EPM2A: variants seen among roughly 807,000 people sequenced by gnomAD.
EPM2A encodes EPM2A glucan phosphatase, laforin.
EPM2A carries 21 observed loss-of-function variants against 26.5 expected under a neutral mutation model. The ratio of observed to expected loss-of-function variants is 0.79; its 90% CI spans 0.56 to 1.14. The LOEUF is 1.14. Ranked by LOEUF, EPM2A falls within the 50% of genes most tolerant of loss-of-function variation. The pLI is 0.00. For synonymous variants in EPM2A, 217 were observed against 177.6 expected (o/e 1.22, Z -1.76); for missense variants, 458 against 440.8 (o/e 1.04, Z -0.35).
intron 4 of EPM2A, among the ~76,000 whole-genome samples, chr6:145,404,460 C>A (rs1418441731): frequency 6.6e-6 from 1 of 150,616 alleles, no homozygotes; most frequent in Non-Finnish European, 1.5e-5. Context: ...CTTTTTTTAC[C>A]TTTTGAGGGT....
chr6:145,419,179 G>GCCGC (rs1266559813), intron 4 of EPM2A, among the ~76,000 whole-genome samples: 1 of 136,212 alleles, frequency 7.3e-6, no homozygotes, highest in Non-Finnish European at 1.6e-5. Flanking sequence ...TCTGTTAAAT[G>GCCGC]TCCCCCCCCC....
At chr6:145,443,399 A>T (rs1390957946) in intron 4 of EPM2A, among the ~76,000 whole-genome samples, 2 of 152,066 alleles carry the variant, frequency 1.3e-5, no homozygotes, top group Admixed American at 1.3e-4. Flanking sequence ...GTCATCTCTG[A>T]TTTCTTTGAG....
At chr6:145,457,225 C>T (rs538860825) in intron 4 of EPM2A, among the ~76,000 whole-genome samples, 5 of 152,036 alleles carry the variant, frequency 3.3e-5, no homozygotes, top group African/African-American at 7.2e-5. Flanking sequence ...CTGGGTGTGG[C>T]GGCTCACACC....
intron 2 of EPM2A, among the ~76,000 whole-genome samples, chr6:145,682,081 G>A (rs1028001725): frequency 6.6e-6 from 1 of 152,102 alleles, no homozygotes; most frequent in Non-Finnish European, 1.5e-5. Context: ...ACTGGGTAAC[G>A]TTTACAGGAA....
In EPM2A at chr6:145,613,954, A is replaced by G. The variant is rs575060159; in HGVS notation, c.340+21291T>C. On this transcript the variant is annotated intron_variant, in intron 2 of 3. Coordinates refer to the EPM2A transcript ENST00000450221. ...TGACAAGAGAGGCAAACTGTCCTTT[A>G]AAGATTTGAAGCCAGGCATTGACAT... 1.1e-4 allele frequency among the ~76,000 whole-genome samples: 16 copies of G among 152,348 alleles called. No homozygotes were observed. In the South Asian group the frequency reaches 3.3e-3, roughly 32 times the overall value.
intron 2 of EPM2A, among the ~76,000 whole-genome samples, chr6:145,644,338 T>C (rs978629385): frequency 6.6e-6 from 1 of 152,194 alleles, no homozygotes; most frequent in Non-Finnish European, 1.5e-5. Context: ...AATGGTTGTG[T>C]TTACAGAATC....
chr6:145,658,994 T>A (rs1399987459), intron 2 of EPM2A, among the ~76,000 whole-genome samples: 1 of 152,186 alleles, frequency 6.6e-6, no homozygotes, highest in African/African-American at 2.4e-5. Flanking sequence ...AGGCGTTAGT[T>A]AACTCATTCA....
rs527950216 is a variant in EPM2A, at chr6:145,439,109, C to CATAATGGAACTGG, written c.556-55013_556-55012insCCAGTTCCATTAT. On this transcript the variant is annotated intron_variant, in intron 4 of 4. Transcript: ENST00000638717. ...TTAGTTTGCTAAGGATAATGGCTTC[C>CATAATGGAACTGG]AGTTCCATCCATGTTTCTGCAGAGA... is the stretch of plus-strand genomic sequence containing the variant. Among the ~76,000 whole-genome samples the CATAATGGAACTGG allele has an allele frequency of 5.0e-3, 756 of 152,214 alleles. 4 individuals are homozygous for CATAATGGAACTGG. The highest frequency in any genetic ancestry group is 0.011 in the Admixed American group (167 of 15,280).
intron 2 of EPM2A, among the ~76,000 whole-genome samples, chr6:145,568,955 A>C (rs1235545406): frequency 6.6e-6 from 1 of 152,190 alleles, no homozygotes; most frequent in East Asian, 1.9e-4. Context: ...ATGAATTTGC[A>C]CTGGAGGTGT....
chr6:145,495,266 A>T (rs1779802080), intron 4 of EPM2A, among the ~76,000 whole-genome samples: 1 of 149,734 alleles, frequency 6.7e-6, no homozygotes, highest in South Asian at 2.1e-4. Flanking sequence ...ATCTTTGTTG[A>T]TTTAGAGTCT....
intron 1 of EPM2A, among the ~76,000 whole-genome samples, chr6:145,730,492 C>T (rs1474968312): frequency 6.6e-6 from 1 of 152,172 alleles, no homozygotes. Context: ...CCAATTTAGG[C>T]ATATAGTCCT....
chr6:145,694,381 A>G (rs954772805), intron 1 of EPM2A, among the ~76,000 whole-genome samples: 7 of 152,052 alleles, frequency 4.6e-5, no homozygotes, highest in African/African-American at 1.7e-4. Flanking sequence ...GGCAAAAACA[A>G]AGAAATAAAA....
chr6:145,587,863 A>G (rs941114084), intron 2 of EPM2A, among the ~76,000 whole-genome samples: 18 of 152,210 alleles, frequency 1.2e-4, no homozygotes, highest in African/African-American at 4.3e-4. Context: ...TTTCTAAATA[A>G]ATTTATCTTA....
chr6:145,606,015 G>A (rs1021018947), intron 2 of EPM2A, among the ~76,000 whole-genome samples: 3 of 152,068 alleles, frequency 2.0e-5, no homozygotes, highest in Admixed American at 1.3e-4. Flanking sequence ...TCTCCAATCA[G>A]GTGGCTGGCT....
intron 2 of EPM2A, among the ~76,000 whole-genome samples, chr6:145,520,929 G>A (rs1191439840): frequency 6.6e-6 from 1 of 152,216 alleles, no homozygotes; most frequent in African/African-American, 2.4e-5. Flanking sequence ...AGTTCCCTAA[G>A]AGGGGCAAAA....
rs554591836 is a variant in EPM2A at position 145,415,262 on chromosome 6, C to T, written c.556-31165G>A. The stretch of plus-strand genomic sequence containing the variant: ...TTAAAATGTGTGGCCTGACAATGTA[C>T]GGTTTTCACCTGAGCCATACTGTTG... On this transcript the variant is annotated intron_variant, in intron 4 of 4. Coordinates refer to the EPM2A transcript ENST00000638717. 5.5e-4 allele frequency among the ~76,000 whole-genome samples: 84 copies of T among 152,290 alleles called. 1 individual carries two copies. Among genetic ancestry groups the T allele is most frequent in the African/African-American group, 1.8e-3 (74 of 41,560 alleles).
At chr6:145,570,567 C>A (rs1443218938) in intron 2 of EPM2A, among the ~76,000 whole-genome samples, 1 of 152,214 alleles carries the variant, frequency 6.6e-6, no homozygotes, top group Non-Finnish European at 1.5e-5. Context: ...CAGTTACAGT[C>A]CTCATTTCTG....
At chr6:145,559,468 T>C (rs1187854179) in intron 2 of EPM2A, among the ~76,000 whole-genome samples, 1 of 152,128 alleles carries the variant, frequency 6.6e-6, no homozygotes. Flanking sequence ...AAAGATAGCA[T>C]AAGCCTGTAT....
chr6:145,734,007 G>A (rs1776661111), intron 1 of EPM2A, among the ~76,000 whole-genome samples: 1 of 152,108 alleles, frequency 6.6e-6, no homozygotes, highest in Non-Finnish European at 1.5e-5. Context: ...GCCGACATTA[G>A]ATAATCACCC....
Sources: gnomAD v4.1 joint callset for allele counts (sites outside exome capture counted in the v4.1 genomes callset) on GRCh38, gnomAD v4.1.1 for gene constraint, MANE v1.5 for transcripts, NCBI Gene and HGNC (gene_info 2026-07-23, HGNC 2026-07-21) for gene names.